Variants in STXBP2 observed in about 807,000 individuals in gnomAD.
STXBP2 encodes syntaxin-binding protein 2.
A neutral mutation model predicts 72.2 loss-of-function variants in STXBP2; 47 were observed. The ratio of observed to expected loss-of-function variants is 0.65; its 90% confidence interval spans 0.51 to 0.83. STXBP2 has a LOEUF of 0.83. STXBP2 is among the 40% of genes least tolerant of loss of function. STXBP2 has a pLI of 0.00. For missense variants in STXBP2, 702 were observed against 807.6 expected (o/e 0.87, Z 1.58); for synonymous variants, 367 against 338.7 (o/e 1.08, Z -0.92).
chr19:7,633,373 A>C, upstream of STXBP2: 1 of 1,547,942 alleles, frequency 6.5e-7, no homozygotes, highest in Non-Finnish European at 8.8e-7. Flanking sequence ...TGAGACCTTG[A>C]GCTGGGGGTG....
At position 7,642,264 on chromosome 19, in the gene STXBP2, C is replaced by T; in HGVS notation, c.725C>T (p.Pro242Leu). ...GACCGGGCAGCTGACCCCGTGTCCC[C>T]ACTACTGCATGAGCTCACGTTCCAG... The part of the protein sequence containing the change: ...IMDRAADPVS[P>L]LLHELTFQAM... Residue 242 changes from proline (P) to leucine (L), a missense_variant, in exon 9 of 19, where the codon CCA (proline) becomes CTA (leucine). Pro to Leu is a moderately conservative substitution (Grantham distance 98). Transcript: ENST00000221283. The surrounding 1 kb of genome is among the most constrained non-coding windows in gnomAD (Gnocchi z 6.0). The T allele has an allele frequency of 6.2e-7, 1 of 1,614,142 alleles. No individual in the cohort carries two copies. Among genetic ancestry groups the T allele is most frequent in the Non-Finnish European group, 8.5e-7 (1 of 1,180,024 alleles).
chr19:7,631,562 C>T, the STXBP2 span: 3 of 1,534,802 alleles, frequency 2.0e-6, no homozygotes, highest in African/African-American at 2.7e-5. Flanking sequence ...CCTGAGGCCT[C>T]CAAGTGGGAG....
intron 4 of STXBP2, 167 bp downstream of exon 4, chr19:7,639,974 ATG>A (rs756593332): frequency 1.3e-4 from 101 of 774,702 alleles, no homozygotes; most frequent in African/African-American, 8.4e-4. Flanking sequence ...CTGTGTATGC[ATG>A]TGTGTGCGTG....
intron 1 of STXBP2, among the ~76,000 whole-genome samples, chr19:7,637,468 G>C (rs1304664266): frequency 1.3e-5 from 2 of 152,018 alleles, no homozygotes; most frequent in Non-Finnish European, 2.9e-5. Flanking sequence ...GGGCCTCCTA[G>C]GGTGCCTGCC....
chr19:7,632,496 A>G (rs745953991), upstream of STXBP2: 4 of 1,612,654 alleles, frequency 2.5e-6, no homozygotes, highest in Admixed American at 1.7e-5. The surrounding 1 kb of genome is among the most constrained non-coding windows in gnomAD (Gnocchi z 5.2). Flanking sequence ...GAGGCTGTCC[A>G]TCTCGGGGGT....
upstream of STXBP2, chr19:7,632,965 C>T (rs1451135098): frequency 8.8e-6 from 13 of 1,469,488 alleles, no homozygotes; most frequent in African/African-American, 2.8e-5. The surrounding 1 kb of genome is among the most constrained non-coding windows in gnomAD (Gnocchi z 5.2). Flanking sequence ...TGGTCCCCGC[C>T]GATCCTCTCT....
At chr19:7,633,645 A>T (rs1180935682), upstream of STXBP2, 1 of 612,048 alleles carries the variant, frequency 1.6e-6, no homozygotes, top group Non-Finnish European at 2.8e-6. Flanking sequence ...GCCCACAACG[A>T]TGCTGGATCT....
intron 4 of STXBP2, chr19:7,640,220 G>C (rs1055669326): frequency 5.6e-6 from 3 of 538,632 alleles, no homozygotes; most frequent in Non-Finnish European, 7.1e-6. Flanking sequence ...ATGTGTCTGC[G>C]TCTGTGTGTG....
Position 7,642,017 on chromosome 19 carries a change from T to A in STXBP2, c.579-17T>A, listed in dbSNP as rs2031904624. ...CCATCCCCTGATGATGTCCCCCGTG[T>A]CTGACCTCCCCGCCAGGGGCCCAGA... On this transcript the variant is annotated splice_polypyrimidine_tract_variant and intron_variant, in intron 7 of 18. Coordinates refer to ENST00000221283, the MANE Select transcript of STXBP2 (RefSeq NM_006949.4). The surrounding 1 kb of genome is among the most constrained non-coding windows in gnomAD (Gnocchi z 6.0). The A allele has an allele frequency of 6.2e-7, 1 of 1,613,858 alleles. No individual in the cohort carries two copies. Among genetic ancestry groups the A allele is most frequent in the Non-Finnish European group, 8.5e-7 (1 of 1,179,862 alleles).
intron 16 of STXBP2, 101 bp downstream of exon 16, chr19:7,646,445 T>C (rs927278586): frequency 8.2e-6 from 9 of 1,103,170 alleles, no homozygotes; most frequent in Non-Finnish European, 1.2e-5. Flanking sequence ...TAGGGGAAAA[T>C]GCTCATTGCT....
Position 7,647,486 on chromosome 19 carries a change from C to T in STXBP2, c.1671C>T (p.Thr557=), listed in dbSNP as rs750599225. The change falls in exon 18 of 19, where the codon ACC becomes ACT. Residue 557 remains threonine (T), a synonymous_variant. Coordinates refer to ENST00000221283, the MANE Select transcript of STXBP2 (RefSeq NM_006949.4). ...CCGCCTACGAGGTGACCAGGGCCAC[C>T]GAGGGCAAGTGGGAGGTGCTCATTG... ...MRAAYEVTRA[T]EGKWEVLIGS... is the part of the protein sequence containing the mutation. 3.7e-5 allele frequency: 60 copies of T among 1,605,936 alleles called. No individual in the cohort carries two copies. In the East Asian group the frequency reaches 4.3e-4, roughly 11 times the overall value.
upstream of STXBP2, chr19:7,637,060 CCGCGGGGCGGGGTCCACGTGGGTGACG>C (rs1460195465): frequency 8.2e-7 from 1 of 1,219,286 alleles, no homozygotes; most frequent in Admixed American, 4.2e-5. Flanking sequence ...GGGACAGGGC[CCGCGGGGCGGGGTCCACGTGGGTGACG>C]CGCGGGGCCA....
Position 7,647,517 on chromosome 19 carries a change from T to C in STXBP2, c.1696+6T>C. 1 of 1,589,000 alleles carries C rather than the reference T, an allele frequency of 6.3e-7. No individual in the cohort carries two copies. The highest frequency in any genetic ancestry group is 8.6e-7 in the Non-Finnish European group (1 of 1,166,890). On this transcript the variant is annotated splice_donor_region_variant and intron_variant, in intron 18 of 18. Coordinates refer to ENST00000221283, the MANE Select transcript of STXBP2 (RefSeq NM_006949.4). ...CAAGTGGGAGGTGCTCATTGGTAAG[T>C]CACCAGGACTGGGACCCTGGGGTCT... is the stretch of plus-strand genomic sequence containing the variant.
rs2031964788 is a variant in STXBP2, at chr19:7,643,152, C to G, written c.1027-13C>G. 1.2e-6 allele frequency: 2 copies of G among 1,614,182 alleles called. No homozygotes were observed. The highest frequency in any genetic ancestry group is 2.2e-5 in the East Asian group (1 of 44,892). On this transcript the variant is annotated splice_polypyrimidine_tract_variant and intron_variant, in intron 12 of 18. Coordinates refer to ENST00000221283, the MANE Select transcript of STXBP2 (RefSeq NM_006949.4). ...CCTTTGTTATCCCCCAACCCCCACC[C>G]TGCACCCTGCAGTATTCTACGCACC... is the stretch of plus-strand genomic sequence containing the variant.
chr19:7,646,093 C>T (rs961000489), intron 15 of STXBP2, 156 bp from the exon 16 acceptor site: 6 of 640,196 alleles, frequency 9.4e-6, no homozygotes, highest in Admixed American at 2.5e-5. Context: ...TTCTCTCTCT[C>T]GCTTTCTTGC....
upstream of STXBP2, chr19:7,637,019 C>A: frequency 9.5e-7 from 1 of 1,050,876 alleles, no homozygotes; most frequent in Non-Finnish European, 1.2e-6. Context: ...CGAGAACCGA[C>A]GGCGGGGAGG....
intron 1 of STXBP2, 57 bp downstream of exon 1, chr19:7,637,243 C>T: frequency 8.1e-7 from 1 of 1,231,308 alleles, no homozygotes. Context: ...GGGTCGGGGA[C>T]GCACGGGCTC....
chr19:7,633,560 C>T, upstream of STXBP2: 2 of 1,113,194 alleles, frequency 1.8e-6, no homozygotes, highest in Non-Finnish European at 2.6e-6. Context: ...TCCCCCCATC[C>T]CCAAATCCCC....
chr19:7,646,367 G>T (rs1255975901), intron 16 of STXBP2, 23 bp downstream of exon 16: 1 of 1,584,126 alleles, frequency 6.3e-7, no homozygotes, highest in Non-Finnish European at 8.6e-7. Flanking sequence ...AGGTCAGGGT[G>T]GGGGCCAGCC....
Sources: gnomAD v4.1 joint callset for allele counts (sites outside exome capture counted in the v4.1 genomes callset) on GRCh38, gnomAD v4.1.1 for gene constraint, Gnocchi (gnomAD v3.1) non-coding constraint, MANE v1.5 for transcripts, NCBI Gene and HGNC (gene_info 2026-07-23, HGNC 2026-07-21) for gene names.